SPTBN5: variants seen among roughly 807,000 people sequenced by gnomAD.
SPTBN5 encodes spectrin beta chain, non-erythrocytic 5.
In SPTBN5, 513 loss-of-function variants were observed where a neutral mutation model predicts 477.6. The observed-to-expected ratio is 1.07, with a 90% CI of 1.00 to 1.16. The LOEUF is 1.16. SPTBN5 is among the 50% of genes most tolerant of loss of function. The pLI is 0.00. For missense variants in SPTBN5, 5,062 were observed against 4,731.8 expected (o/e 1.07, Z -2.05); for synonymous variants, 2,169 against 2,011.7 (o/e 1.08, Z -2.09).
Position 41,860,636 on chromosome 15 carries a change from C to T in SPTBN5, c.7938G>A (p.Gly2646=). The T allele has an allele frequency of 6.5e-7, 1 of 1,535,872 alleles. No individual in the cohort carries two copies. Among genetic ancestry groups the T allele is most frequent in the South Asian group, 1.2e-5 (1 of 80,672 alleles). ...CCAGGGCACTCTGGGCCTCGGGGTG[C>T]CCACCCTGGTGCAGGCCGCGGGCCG... ...EATARGLHQG[G]HPEAQSALGR... Residue 2646 remains glycine, a synonymous_variant, in exon 47 of 68, where the codon GGG becomes GGA. Coordinates refer to ENST00000320955, the MANE Select transcript of SPTBN5 (RefSeq NM_016642.4).
At chr15:41,866,264 T>C (rs1337789664) in intron 37 of SPTBN5, 35 bp from the exon 38 acceptor site, 1 of 1,577,966 alleles carries the variant, frequency 6.3e-7, no homozygotes, top group Non-Finnish European at 8.6e-7. Flanking sequence ...ACATCTTGCC[T>C]GCTGCACTTC....
chr15:41,870,521 T>C lies in SPTBN5; in HGVS notation c.5487A>G (p.Arg1829=), dbSNP rs771886914. ...WSELWELTQA[R]GHALRDTETT... Reference sequence around the variant, plus strand: ...TCTCGGTGTCTCGGAGCGCGTGGCCTCGGGCCTGGGTCAGCTCCCACAGCT... The same window carrying C: ...TCTCGGTGTCTCGGAGCGCGTGGCCCCGGGCCTGGGTCAGCTCCCACAGCT... The change falls in exon 30 of 68, where the codon CGA becomes CGG. Residue 1829 remains arginine (R), a synonymous_variant. Coordinates refer to ENST00000320955, the MANE Select transcript of SPTBN5 (RefSeq NM_016642.4). 2.5e-6 allele frequency: 4 copies of C among 1,610,760 alleles called. No homozygotes were observed. Among genetic ancestry groups the C allele is most frequent in the Non-Finnish European group, 3.4e-6 (4 of 1,179,448 alleles).
At position 41,848,505 on chromosome 15, in the gene SPTBN5, T is replaced by A; in HGVS notation, c.*111A>T. 7.6e-7 allele frequency: 1 copy of A among 1,322,582 alleles called. No individual in the cohort carries two copies. The highest frequency in any genetic ancestry group is 2.0e-4 in the Middle Eastern group (1 of 4,914). The allele number at this position is 1,322,582 out of a possible 1,614,324, so 81.9% of individuals were successfully genotyped here. A position where few individuals can be genotyped will look rare whatever the true frequency, so the allele number is the denominator to read the frequency against. ...CAGAAGCTGGGCCTGGGGAACTGGG[T>A]TGAAGCAGCCACGGGAAGGAGCCCT... is the stretch of plus-strand genomic sequence containing the variant. On this transcript the variant is annotated 3_prime_UTR_variant, in exon 68 of 68. Transcript: ENST00000320955.
At chr15:41,878,228 G>A in intron 17 of SPTBN5, 114 bp downstream of exon 17, 1 of 1,298,568 alleles carries the variant, frequency 7.7e-7, no homozygotes, top group South Asian at 1.5e-5. Context: ...ACCAGTCTGG[G>A]CCCCTCCCTG....
chr15:41,849,771 A>G (rs1311431785), intron 67 of SPTBN5, 98 bp downstream of exon 67: 4 of 920,960 alleles, frequency 4.3e-6, no homozygotes, highest in African/African-American at 1.6e-5. Context: ...CCAACAGAGT[A>G]AGTCTGAGGC....
chr15:41,893,514 G>C lies in SPTBN5; in HGVS notation c.-17C>G. The C allele has an allele frequency of 6.4e-7, 1 of 1,556,510 alleles. No homozygotes were observed. Among genetic ancestry groups the C allele is most frequent in the Non-Finnish European group, 8.6e-7 (1 of 1,156,084 alleles). ...ACCAGCCATCAGCCCTGCAGACTTT[G>C]GGGATGAGGAGCTGCTGGATGGCTC... On this transcript the variant is annotated 5_prime_UTR_variant, in exon 2 of 68. Transcript: ENST00000320955.
intron 4 of SPTBN5, among the ~76,000 whole-genome samples, chr15:41,889,225 C>G (rs1224627093): frequency 1.3e-5 from 2 of 152,194 alleles, no homozygotes; most frequent in Non-Finnish European, 2.9e-5. Flanking sequence ...GATGCTCAGC[C>G]TGCAGACACA....
At position 41,865,866 on chromosome 15, in the gene SPTBN5, A is replaced by G; in HGVS notation, c.6860T>C (p.Leu2287Pro). 6.3e-7 allele frequency: 1 copy of G among 1,584,382 alleles called. No individual in the cohort carries two copies. The highest frequency in any genetic ancestry group is 8.6e-7 in the Non-Finnish European group (1 of 1,165,874). The change falls in exon 39 of 68, where the codon CTG (leucine) becomes CCG (proline). Residue 2287 changes from leucine to proline, a missense_variant. Physicochemically the swap from Leu to Pro is moderately conservative, Grantham distance 98. Transcript: ENST00000320955. ...CCGTCGGAGCTGCAGGCAGTGCTCC[A>G]GGTCCTGGCCCAGGTCACCAACATT... The part of the protein sequence containing the change: ...KMNVGDLGQD[L>P]EHCLQLRRRL...
chr15:41,873,384 G>A (rs1304766399), intron 26 of SPTBN5, 108 bp downstream of exon 26: 2 of 848,238 alleles, frequency 2.4e-6, no homozygotes, highest in South Asian at 1.7e-5. Context: ...GTGTCTCCAG[G>A]AAGCAAGAGC....
intron 66 of SPTBN5, 91 bp from the exon 67 acceptor site, chr15:41,850,050 T>C (rs1022308953): frequency 1.8e-6 from 2 of 1,101,534 alleles, no homozygotes; most frequent in Non-Finnish European, 1.4e-6. Context: ...TTCTGGAGGC[T>C]CAGCACAGCC....
At chr15:41,877,395 G>A (rs751470351) in intron 17 of SPTBN5, 39 bp from the exon 18 acceptor site, 4 of 1,586,342 alleles carry the variant, frequency 2.5e-6, no homozygotes, top group Admixed American at 1.7e-5. Flanking sequence ...ACCCCAGCAG[G>A]CTCCCTCGTC....
chr15:41,876,075 G>A, intron 21 of SPTBN5, 39 bp downstream of exon 21: 1 of 1,570,704 alleles, frequency 6.4e-7, no homozygotes, highest in Non-Finnish European at 8.6e-7. Context: ...GGAATTTGAA[G>A]ACAAGGAGGC....
In SPTBN5 at chr15:41,879,014, C is replaced by T. The variant is rs190167313; in HGVS notation, c.3182+246G>A. On this transcript the variant is annotated intron_variant, in intron 16 of 67. Transcript: ENST00000320955. ...CCGGGAGGCTGAGCTTCCAGTGAGC[C>T]GAGATCACGCCACTGCACTCAGCCC... 4.7e-3 allele frequency among the ~76,000 whole-genome samples: 717 copies of T among 152,196 alleles called. 4 individuals are homozygous for T. Among genetic ancestry groups the T allele is most frequent in the Non-Finnish European group, 8.1e-3 (553 of 68,012 alleles).
chr15:41,853,197 G>A (rs777256473), intron 59 of SPTBN5, 61 bp downstream of exon 59: 34 of 1,535,508 alleles, frequency 2.2e-5, no homozygotes, highest in Non-Finnish European at 2.8e-5. Flanking sequence ...GGGGCCCTGA[G>A]GCCCTGGGCA....
chr15:41,856,472 T>A lies in SPTBN5; in HGVS notation c.8935A>T (p.Lys2979Ter). Residue 2979 changes from lysine to a stop codon, truncating the protein, a stop_gained, in exon 53 of 68, where the codon AAG (lysine) becomes TAG (stop). Transcript: ENST00000320955. LOFTEE classifies it high-confidence loss of function. ...EVAARVQQLE[K>*]AMAHLRAEAA... ...TCTGCCCGCAGGTGGGCCATGGCCT[T>A]CTCCAGCTGCTGCACCCGGGCGGCC... The A allele has an allele frequency of 6.3e-7, 1 of 1,597,664 alleles. No individual in the cohort carries two copies. The highest frequency in any genetic ancestry group is 1.7e-5 in the Admixed American group (1 of 58,302).
In SPTBN5 at chr15:41,873,610, T is replaced by C. The variant is rs201755073; in HGVS notation, c.4891-2A>G. On this transcript the variant is annotated splice_acceptor_variant, in intron 25 of 67. Coordinates refer to ENST00000320955, the MANE Select transcript of SPTBN5 (RefSeq NM_016642.4). LOFTEE classifies it high-confidence loss of function. ...CAGCTCTGACACATCCAGAAAGTACTGCCAAGAGTGGGGCCAACTCACCTG... is the reference window on the plus strand; with the variant it reads ...CAGCTCTGACACATCCAGAAAGTACCGCCAAGAGTGGGGCCAACTCACCTG... 2.1e-4 allele frequency: 322 copies of C among 1,550,704 alleles called. 1 individual carries two copies. The Middle Eastern group carries it at 3.8e-3, about 18-fold the overall frequency.
At chr15:41,889,486 C>T (rs1046532015) in intron 4 of SPTBN5, among the ~76,000 whole-genome samples, 3 of 150,320 alleles carry the variant, frequency 2.0e-5, no homozygotes, top group Admixed American at 6.6e-5. Context: ...GGTGTGATCT[C>T]GGCTCATCAC....
intron 5 of SPTBN5, 38 bp from the exon 6 acceptor site, chr15:41,887,479 A>T: frequency 2.1e-6 from 3 of 1,449,044 alleles, no homozygotes; most frequent in Non-Finnish European, 2.8e-6. Flanking sequence ...ACCAGCAGGA[A>T]CCTACTGCTT....
chr15:41,857,090 A>G, intron 51 of SPTBN5, 51 bp from the exon 52 acceptor site: 1 of 1,553,438 alleles, frequency 6.4e-7, no homozygotes, highest in Non-Finnish European at 8.7e-7. Context: ...GGGTGTCAGT[A>G]TTAGGGATAC....
Sources: gnomAD v4.1 joint callset for allele counts (sites outside exome capture counted in the v4.1 genomes callset) on GRCh38, gnomAD v4.1.1 for gene constraint, MANE v1.5 for transcripts, NCBI Gene and HGNC (gene_info 2026-07-23, HGNC 2026-07-21) for gene names.